Variants in FUBP3 observed in about 807,000 individuals in gnomAD.
FUBP3 encodes the protein far upstream element binding protein 3, also known as far upstream element-binding protein 3.
In FUBP3, 28 loss-of-function variants were observed where a neutral mutation model predicts 85.6. The observed-to-expected ratio is 0.33, with a 90% CI of 0.24 to 0.45. The LOEUF (loss-of-function observed/expected upper bound fraction) is 0.45. Ranked by LOEUF, FUBP3 falls within the 20% of genes least tolerant of loss-of-function variation. The probability of loss-of-function intolerance (pLI) is 1.00; values close to 1 mark genes in which losing one functional copy is unlikely to be tolerated. For synonymous variants in FUBP3, 271 were observed against 271.4 expected (o/e 1.00, Z 0.01); for missense variants, 583 against 755.1 (o/e 0.77, Z 2.67).
intron 11 of FUBP3, 115 bp from the exon 12 acceptor site, chr9:130,626,249 G>C (rs1016433559): frequency 1.9e-6 from 2 of 1,073,342 alleles, no homozygotes; most frequent in South Asian, 1.6e-5. Flanking sequence ...AAAGGTGCTA[G>C]GTTCTGATGG....
Position 130,619,303 on chromosome 9 carries a change from ATT to A in FUBP3, c.667-1036_667-1035del, listed in dbSNP as rs11293240. ...TTTAAATTTTAAAACTGTATATTTC[ATT>A]TTTTTTTTTTTTTTCATTTAGGAGA... On this transcript the variant is annotated intron_variant, in intron 8 of 18. Transcript: ENST00000319725. Among the ~76,000 whole-genome samples, 93 of 137,840 alleles carry A rather than the reference ATT, an allele frequency of 6.7e-4. 1 individual carries two copies. The highest frequency in any genetic ancestry group is 1.1e-3 in the African/African-American group (39 of 35,718). The allele number at this position is 137,840 out of a possible 152,430, so 90.4% of individuals were successfully genotyped here.
intron 2 of FUBP3, among the ~76,000 whole-genome samples, chr9:130,604,497 T>A (rs190921436): frequency 6.6e-6 from 1 of 152,328 alleles, no homozygotes; most frequent in East Asian, 1.9e-4. Context: ...CTTGGGCAAG[T>A]TCCTTAACGT....
At chr9:130,597,442 A>G (rs1830928404) in intron 2 of FUBP3, among the ~76,000 whole-genome samples, 1 of 152,240 alleles carries the variant, frequency 6.6e-6, no homozygotes. Context: ...GCCTTTGGAA[A>G]TCTTTATTGC....
At chr9:130,628,330 GC>G (rs1830076483) in intron 12 of FUBP3, among the ~76,000 whole-genome samples, 1 of 152,200 alleles carries the variant, frequency 6.6e-6, no homozygotes, top group Non-Finnish European at 1.5e-5. Flanking sequence ...GCTCTTGTCA[GC>G]CAGGCCTTTT....
Position 130,637,011 on chromosome 9 carries a change from C to T in FUBP3, c.1711-3C>T, listed in dbSNP as rs751276093. 42 of 1,612,772 alleles carry T rather than the reference C, an allele frequency of 2.6e-5. No homozygotes were observed. The Admixed American group carries it at 7.0e-4, about 27-fold the overall frequency. On this transcript the variant is annotated splice_region_variant and splice_polypyrimidine_tract_variant and intron_variant, in intron 18 of 18. Coordinates refer to ENST00000319725, the MANE Select transcript of FUBP3 (RefSeq NM_003934.2). ...ACTAATTCCTCTTCCCTTCCGCCCA[C>T]AGGAGCAGTAGGACAGCGTCCTCGT...
Position 130,579,768 on chromosome 9 carries a change from CG to C in FUBP3, c.84+7del. 1 of 1,271,876 alleles carries C rather than the reference CG, an allele frequency of 7.9e-7. No individual in the cohort carries two copies. The highest frequency in any genetic ancestry group is 9.9e-7 in the Non-Finnish European group (1 of 1,006,312). The allele number at this position is 1,271,876 out of a possible 1,614,324, so 78.8% of individuals were successfully genotyped here. ...TGCCCTGCACCGGGTCCGGCAGGTA[CG>C]GGCGCAGCCGGCTGGCAGGAGCACG... On this transcript the variant is annotated splice_donor_5th_base_variant and intron_variant, in intron 1 of 18. Transcript: ENST00000319725.
intron 2 of FUBP3, among the ~76,000 whole-genome samples, chr9:130,603,987 A>T (rs950651160): frequency 6.6e-6 from 1 of 152,198 alleles, no homozygotes; most frequent in African/African-American, 2.4e-5. Context: ...AAAACAGCCC[A>T]CGTGTCCTTC....
chr9:130,631,460 TCTCCCCAAAAGCTGGG>T, intron 13 of FUBP3, 81 bp from the exon 14 acceptor site: 1 of 1,328,934 alleles, frequency 7.5e-7, no homozygotes, highest in African/African-American at 1.5e-5. Context: ...CTCGACTCCA[TCTCCCCAAAAGCTGGG>T]CTTTGCCTCG....
At chr9:130,582,791 C>G (rs1435123272) in intron 1 of FUBP3, among the ~76,000 whole-genome samples, 1 of 152,204 alleles carries the variant, frequency 6.6e-6, no homozygotes, top group East Asian at 1.9e-4. Context: ...CTTAGTAGCA[C>G]CTGTCATCAC....
chr9:130,579,819 G>C (rs933411658), intron 1 of FUBP3, 55 bp downstream of exon 1: 1 of 1,114,728 alleles, frequency 9.0e-7, no homozygotes, highest in East Asian at 3.1e-5. Flanking sequence ...GGCCTGGCGG[G>C]CGGGGAAGAG....
At chr9:130,619,649 A>T (rs142416869) in intron 8 of FUBP3, among the ~76,000 whole-genome samples, 8 of 152,290 alleles carry the variant, frequency 5.3e-5, no homozygotes, top group African/African-American at 1.9e-4. Context: ...AAGGTACAGT[A>T]GGTCTTTAGC....
At chr9:130,614,470 A>G in intron 6 of FUBP3, 125 bp downstream of exon 6, 1 of 589,208 alleles carries the variant, frequency 1.7e-6, no homozygotes, top group Middle Eastern at 2.7e-4. Context: ...ACAGGTAGAT[A>G]ATTCCATAGG....
chr9:130,609,964 G>A lies in FUBP3; in HGVS notation c.201G>A (p.Gln67=), dbSNP rs1193798059. ...TTCTCTTTGCCACAGTAGGTAACCA[G>A]TTAGGGGCCTTGGTACATCAAAGGT... is the stretch of plus-strand genomic sequence containing the variant. ...KRPLDDGVGN[Q]LGALVHQRTV... Residue 67 remains glutamine (Q), a synonymous_variant, in exon 3 of 19, where the codon CAG becomes CAA. Transcript: ENST00000319725. 6.2e-7 allele frequency: 1 copy of A among 1,609,948 alleles called. No homozygotes were observed. The highest frequency in any genetic ancestry group is 8.5e-7 in the Non-Finnish European group (1 of 1,176,844).
At position 130,589,668 on chromosome 9, in the gene FUBP3, TGTGTGTGTATATATA is replaced by T. The variant is rs1830499646; in HGVS notation, c.85-5814_85-5800del. On this transcript the variant is annotated intron_variant, in intron 1 of 18. Coordinates refer to ENST00000319725, the MANE Select transcript of FUBP3 (RefSeq NM_003934.2). ...CAGATTTATTTTAAATATGTATGTA[TGTGTGTGTATATATA>T]TATATATATATATATATATATATTT... Among the ~76,000 whole-genome samples the T allele has an allele frequency of 2.0e-5, 2 of 100,778 alleles. 1 individual carries two copies. The allele number at this position is 100,778 out of a possible 152,430, so 66.1% of individuals were successfully genotyped here.
chr9:130,595,442 A>G lies in FUBP3; in HGVS notation c.85-41A>G, dbSNP rs374300531. 3.9e-5 allele frequency: 37 copies of G among 954,298 alleles called. 1 individual carries two copies. Among genetic ancestry groups the G allele is most frequent in the Admixed American group, 1.2e-4 (7 of 59,180 alleles). The allele number at this position is 954,298 out of a possible 1,614,324, so 59.1% of individuals were successfully genotyped here. ...TTGTCTTTCTCCCTCAGATAGAGCCATGGTTTGTTACTGAGTGTTTAAATC... is the reference window on the plus strand; with the variant it reads ...TTGTCTTTCTCCCTCAGATAGAGCCGTGGTTTGTTACTGAGTGTTTAAATC... On this transcript the variant is annotated intron_variant, in intron 1 of 18. Coordinates refer to ENST00000319725, the MANE Select transcript of FUBP3 (RefSeq NM_003934.2).
chr9:130,602,130 T>G (rs1831188064), intron 2 of FUBP3, among the ~76,000 whole-genome samples: 2 of 152,150 alleles, frequency 1.3e-5, no homozygotes, highest in Admixed American at 1.3e-4. Flanking sequence ...TACACCATTC[T>G]GAGTAGCATG....
rs1392565086 is a variant in FUBP3, at chr9:130,632,255, AGCAGCCCAC to A, written c.1488_1496del (p.Pro498_Gln500del). On this transcript the variant is annotated inframe_deletion, in exon 16 of 19. Transcript: ENST00000319725. ...TGGGGCAGCACCTACCAGGCGTGGC[AGCAGCCCAC>A]ACAGCAGGTCCCAAGTAAGTGACTC... 1.2e-5 allele frequency: 19 copies of A among 1,613,802 alleles called. No homozygotes were observed. The highest frequency in any genetic ancestry group is 1.5e-5 in the Non-Finnish European group (18 of 1,179,842).
chr9:130,630,674 G>T lies in FUBP3; in HGVS notation c.1164G>T (p.Val388=). ...KSINQQSGAH[V]ELQRNPPPNS... ...TCAACCAGCAGTCAGGGGCGCACGT[G>T]GAGCTTCAGAGGAACCCCCCTCCCA... is the stretch of plus-strand genomic sequence containing the variant. Residue 388 remains valine (V), a synonymous_variant, in exon 13 of 19, where the codon GTG becomes GTT. Coordinates refer to ENST00000319725, the MANE Select transcript of FUBP3 (RefSeq NM_003934.2). 1 of 1,601,362 alleles carries T rather than the reference G, an allele frequency of 6.2e-7. No individual in the cohort carries two copies. The highest frequency in any genetic ancestry group is 1.4e-5 in the African/African-American group (1 of 73,820).
At chr9:130,602,293 G>T (rs187089773) in intron 2 of FUBP3, among the ~76,000 whole-genome samples, 115 of 152,286 alleles carry the variant, frequency 7.6e-4, no homozygotes, top group Middle Eastern at 3.4e-3. Context: ...TTCTTACGGG[G>T]TAAAGGACGA....
Sources: gnomAD v4.1 joint callset for allele counts (sites outside exome capture counted in the v4.1 genomes callset) on GRCh38, gnomAD v4.1.1 for gene constraint, MANE v1.5 for transcripts, NCBI Gene and HGNC (gene_info 2026-07-23, HGNC 2026-07-21) for gene names.